The following SPAG16 variants were observed in gnomAD, a reference collection of about 807,000 sequenced individuals.
The protein encoded by SPAG16 is sperm-associated antigen 16 protein.
Under a neutral mutation model 80.4 loss-of-function variants are expected in SPAG16, and 86 were observed. That is an observed-to-expected ratio of 1.07 (90% CI 0.90 to 1.28). SPAG16 has a LOEUF of 1.28. Ranked by LOEUF, SPAG16 falls within the 50% of genes most tolerant of loss-of-function variation. The probability of loss-of-function intolerance (pLI) is 0.00; values close to 1 mark genes in which losing one functional copy is unlikely to be tolerated. For synonymous variants in SPAG16, 294 were observed against 265.9 expected (o/e 1.11, Z -1.03); for missense variants, 870 against 765.3 (o/e 1.14, Z -1.61).
chr2:214,152,868 T>C (rs553940434), intron 15 of SPAG16, among the ~76,000 whole-genome samples: 41 of 152,306 alleles, frequency 2.7e-4, no homozygotes, highest in Middle Eastern at 3.4e-3. Context: ...TATGCCATTA[T>C]TTCTGCATAT....
At chr2:214,031,840 C>T (rs2048430329) in intron 13 of SPAG16, among the ~76,000 whole-genome samples, 1 of 151,958 alleles carries the variant, frequency 6.6e-6, no homozygotes, top group East Asian at 1.9e-4. Flanking sequence ...GGGGGAAGTG[C>T]TACACACTTT....
chr2:213,790,534 T>C (rs1037002280), intron 10 of SPAG16, among the ~76,000 whole-genome samples: 3 of 151,914 alleles, frequency 2.0e-5, no homozygotes, highest in South Asian at 2.1e-4. Flanking sequence ...TCTGTACTTA[T>C]ATTTTCATTA....
At position 213,930,116 on chromosome 2, in the gene SPAG16, T is replaced by A. The variant is rs747830898; in HGVS notation, c.1371T>A (p.Asp457Glu). 1 of 1,613,694 alleles carries A rather than the reference T, an allele frequency of 6.2e-7. No homozygotes were observed. Among genetic ancestry groups the A allele is most frequent in the South Asian group, 1.1e-5 (1 of 90,980 alleles). ...CGNFVASSSL[D>E]KTSKIWDVNS... ...ATTTTGTGGCTTCCTCCTCACTGGA[T>A]AAAACTAGCAAAATTTGGGATGTTA... The change falls in exon 12 of 16, where the codon GAT (aspartate) becomes GAA (glutamate). Residue 457 changes from aspartate to glutamate, a missense_variant. Physicochemically the swap from Asp to Glu is conservative, Grantham distance 45 (BLOSUM62 2). Coordinates refer to ENST00000331683, the MANE Select transcript of SPAG16 (RefSeq NM_024532.5).
intron 12 of SPAG16, among the ~76,000 whole-genome samples, chr2:213,976,627 G>A (rs997685867): frequency 1.3e-5 from 2 of 151,972 alleles, no homozygotes; most frequent in Non-Finnish European, 2.9e-5. Flanking sequence ...GAGAGGTATA[G>A]CAGAAAAAGC....
At chr2:213,327,845 A>G (rs944243543) in intron 5 of SPAG16, among the ~76,000 whole-genome samples, 5 of 152,160 alleles carry the variant, frequency 3.3e-5, no homozygotes, top group East Asian at 1.9e-4. Flanking sequence ...CTGTTTTACT[A>G]TACTGAATAG....
intron 10 of SPAG16, among the ~76,000 whole-genome samples, chr2:213,658,896 C>T (rs1266608649): frequency 3.3e-5 from 5 of 152,076 alleles, no homozygotes; most frequent in African/African-American, 7.2e-5. Flanking sequence ...ATTAGCTGGG[C>T]GTGATGGCTT....
At chr2:213,501,158 A>G (rs531024004) in intron 10 of SPAG16, among the ~76,000 whole-genome samples, 1 of 152,352 alleles carries the variant, frequency 6.6e-6, no homozygotes, top group East Asian at 1.9e-4. Context: ...ATTCTAGACT[A>G]AATCTTTTAA....
At chr2:213,824,056 TAA>T (rs939396439) in intron 10 of SPAG16, among the ~76,000 whole-genome samples, 5 of 152,256 alleles carry the variant, frequency 3.3e-5, no homozygotes, top group Admixed American at 2.0e-4. Flanking sequence ...GTTTTACATA[TAA>T]GTCTTTAATC....
intron 14 of SPAG16, among the ~76,000 whole-genome samples, chr2:214,132,374 TGAG>T (rs1288283528): frequency 6.6e-6 from 1 of 152,222 alleles, no homozygotes; most frequent in Non-Finnish European, 1.5e-5. Context: ...GCTAGCTACA[TGAG>T]GAGATTTTTA....
chr2:213,308,882 A>C (rs1017306127), intron 3 of SPAG16, among the ~76,000 whole-genome samples: 4 of 152,126 alleles, frequency 2.6e-5, no homozygotes, highest in Non-Finnish European at 5.9e-5. Context: ...AAGCCTTAAC[A>C]AATATAAAGT....
At chr2:214,119,354 C>T (rs1299256292) in intron 14 of SPAG16, among the ~76,000 whole-genome samples, 1 of 151,970 alleles carries the variant, frequency 6.6e-6, no homozygotes, top group Non-Finnish European at 1.5e-5. Context: ...ATAAAAGCTA[C>T]TTATTAAGTC....
intron 15 of SPAG16, among the ~76,000 whole-genome samples, chr2:214,294,074 G>T (rs1693977634): frequency 6.6e-6 from 1 of 152,212 alleles, no homozygotes; most frequent in Non-Finnish European, 1.5e-5. Context: ...CGTCCTTTTG[G>T]AACTGAGCTC....
chr2:213,959,959 A>T (rs2044331982), intron 12 of SPAG16, among the ~76,000 whole-genome samples: 1 of 152,116 alleles, frequency 6.6e-6, no homozygotes, highest in Non-Finnish European at 1.5e-5. Context: ...TTCAGCCATT[A>T]TTTCTTTAAA....
intron 10 of SPAG16, among the ~76,000 whole-genome samples, chr2:213,737,557 G>A (rs1358313507): frequency 1.4e-5 from 2 of 146,642 alleles, no homozygotes; most frequent in Non-Finnish European, 3.0e-5. Flanking sequence ...GCGCGATCTC[G>A]GCTCACTGCA....
At chr2:213,347,618 T>C (rs2065072585) in intron 6 of SPAG16, among the ~76,000 whole-genome samples, 1 of 152,216 alleles carries the variant, frequency 6.6e-6, no homozygotes, top group South Asian at 2.1e-4. Context: ...AGAACATCTT[T>C]ATTTCTGCCT....
chr2:213,952,165 A>T (rs72950735), intron 12 of SPAG16, among the ~76,000 whole-genome samples: 22,209 of 152,168 alleles, frequency 0.15, 2,029 homozygotes, highest in Non-Finnish European at 0.21. Flanking sequence ...CCTAAATATG[A>T]GAAGAATACA....
At chr2:213,977,443 C>A (rs113726898) in intron 12 of SPAG16, among the ~76,000 whole-genome samples, 1 of 151,960 alleles carries the variant, frequency 6.6e-6, no homozygotes, top group South Asian at 2.1e-4. Context: ...CTGCCCCCCC[C>A]ATACCCAATA....
intron 10 of SPAG16, among the ~76,000 whole-genome samples, chr2:213,572,519 T>G (rs1482409458): frequency 6.6e-6 from 1 of 151,850 alleles, no homozygotes; most frequent in African/African-American, 2.4e-5. Flanking sequence ...AGTATGCCCC[T>G]GCTGGGGGGT....
At chr2:213,692,916 A>G (rs2065006964) in intron 10 of SPAG16, among the ~76,000 whole-genome samples, 1 of 152,216 alleles carries the variant, frequency 6.6e-6, no homozygotes, top group South Asian at 2.1e-4. Context: ...AGGAAAAAAT[A>G]CATTTTAAGA....
Sources: allele counts gnomAD v4.1 joint callset (sites outside exome capture counted in the v4.1 genomes callset), GRCh38; gene constraint gnomAD v4.1.1; transcripts MANE v1.5; gene names NCBI Gene and HGNC (gene_info 2026-07-23, HGNC 2026-07-21).